The following GPM6A variants were observed in gnomAD, a reference collection of about 807,000 sequenced individuals.
GPM6A encodes the protein neuronal membrane glycoprotein M6-a.
A neutral mutation model predicts 32.1 loss-of-function variants in GPM6A; 7 were observed. The ratio of observed to expected loss-of-function variants is 0.22; its 90% confidence interval spans 0.12 to 0.41. The LOEUF is 0.41. Ranked by LOEUF, GPM6A falls within the 10% of genes least tolerant of loss-of-function variation. The pLI is 1.00. For missense variants in GPM6A, 235 were observed against 347.2 expected (o/e 0.68, Z 2.57); for synonymous variants, 130 against 123.4 (o/e 1.05, Z -0.35).
At chr4:175,658,476 C>T (rs1406531600) in intron 3 of GPM6A, among the ~76,000 whole-genome samples, 1 of 152,078 alleles carries the variant, frequency 6.6e-6, no homozygotes, top group South Asian at 2.1e-4. Context: ...TGAAACTATT[C>T]TGTATGAAAG....
chr4:175,981,616 T>C (rs1335630768), intron 1 of GPM6A, among the ~76,000 whole-genome samples: 1 of 152,190 alleles, frequency 6.6e-6, no homozygotes, highest in African/African-American at 2.4e-5. Context: ...GCACCAGAGT[T>C]CGCCCATTCA....
chr4:175,825,945 C>T lies in GPM6A; in HGVS notation c.-22-13696G>A, dbSNP rs756618268. ...CTGTAATCTCAGAATTTTGGGAGTC[C>T]GAGGAGGGCAGATTGCTTGAGCCCA... On this transcript the variant is annotated intron_variant, in intron 1 of 7. Coordinates refer to the GPM6A transcript ENST00000280187. 3.3e-5 allele frequency among the ~76,000 whole-genome samples: 5 copies of T among 151,910 alleles called. No homozygotes were observed. In the South Asian group the frequency reaches 6.2e-4, roughly 19 times the overall value.
At chr4:175,798,940 T>C (rs552817452) in intron 1 of GPM6A, among the ~76,000 whole-genome samples, 28 of 152,336 alleles carry the variant, frequency 1.8e-4, no homozygotes, top group Non-Finnish European at 4.0e-4. Flanking sequence ...CTCTGCTGTA[T>C]TGCACATGAA....
At chr4:175,747,389 C>G (rs1488529717) in intron 1 of GPM6A, among the ~76,000 whole-genome samples, 1 of 151,846 alleles carries the variant, frequency 6.6e-6, no homozygotes, top group African/African-American at 2.4e-5. Context: ...AGGAATACTG[C>G]TATACATACA....
chr4:175,868,592 G>GTTTTGAATAT (rs1736811040), intron 1 of GPM6A, among the ~76,000 whole-genome samples: 1 of 152,018 alleles, frequency 6.6e-6, no homozygotes, highest in African/African-American at 2.4e-5. Flanking sequence ...TCAAAAATAT[G>GTTTTGAATAT]TTGAGATCAG....
At chr4:175,788,141 A>C (rs1733873760) in intron 1 of GPM6A, 1 of 152,112 alleles carries the variant, frequency 6.6e-6, no homozygotes, top group African/African-American at 2.4e-5. Context: ...AATATGTGTT[A>C]GTCTAGTCAA....
intron 1 of GPM6A, among the ~76,000 whole-genome samples, chr4:175,716,488 C>CTG (rs59628765): frequency 0.5 from 75,808 of 151,804 alleles, 19,491 homozygotes; most frequent in East Asian, 0.64. Context: ...GAAGAAGAAA[C>CTG]TTGTTGTGCA....
In GPM6A at chr4:175,640,113, C is replaced by CG. The variant is rs1471130744; in HGVS notation, c.684+15dup. 1 of 1,595,466 alleles carries CG rather than the reference C, an allele frequency of 6.3e-7. No homozygotes were observed. The highest frequency in any genetic ancestry group is 1.3e-5 in the African/African-American group (1 of 74,650). On this transcript the variant is annotated intron_variant, in intron 6 of 6. Transcript: ENST00000393658. ...ATTCACATTGAAAACCAAGCACCAG[C>CG]GCTTTGAGGTCTTACCATAGCAATG...
At chr4:175,884,374 T>C (rs541864244) in intron 1 of GPM6A, among the ~76,000 whole-genome samples, 5 of 152,208 alleles carry the variant, frequency 3.3e-5, no homozygotes, top group Non-Finnish European at 7.3e-5. Context: ...CATGGTTCTT[T>C]CATACAATTT....
chr4:175,868,886 G>C (rs1185368286), intron 1 of GPM6A, among the ~76,000 whole-genome samples: 1 of 152,184 alleles, frequency 6.6e-6, no homozygotes, highest in Non-Finnish European at 1.5e-5. Flanking sequence ...CTTCAGGAAA[G>C]TGTCAGTTCA....
chr4:175,979,297 T>C (rs1740753423), intron 1 of GPM6A, among the ~76,000 whole-genome samples: 1 of 142,708 alleles, frequency 7.0e-6, no homozygotes. Context: ...TGAAAGGTTA[T>C]TTAAACACAA....
chr4:175,673,782 A>G lies in GPM6A; in HGVS notation c.285T>C (p.Tyr95=), dbSNP rs777858181. 2.0e-5 allele frequency: 33 copies of G among 1,612,278 alleles called. No individual in the cohort carries two copies. Among genetic ancestry groups the G allele is most frequent in the Middle Eastern group, 3.3e-4 (2 of 6,080 alleles). Residue 95 remains tyrosine, a synonymous_variant, in exon 3 of 7, where the codon TAT becomes TAC. Coordinates refer to ENST00000393658, the MANE Select transcript of GPM6A (RefSeq NM_201591.3). ...AACCTTCCACCATCAGCAAAATGCC[A>G]TACACAAAGAACGCAGCTGCGATGC... The part of the protein sequence containing the change: ...IYGIAAAFFV[Y]GILLMVEGFF...
At chr4:175,673,559 C>G (rs897258019) in intron 3 of GPM6A, 121 bp downstream of exon 3, 2 of 605,104 alleles carry the variant, frequency 3.3e-6, no homozygotes, top group Admixed American at 6.0e-5. Flanking sequence ...AAGATAGCAT[C>G]ACAGAAGGAA....
intron 4 of GPM6A, among the ~76,000 whole-genome samples, chr4:175,646,964 C>T (rs939337636): frequency 1.3e-5 from 2 of 152,224 alleles, no homozygotes; most frequent in African/African-American, 4.8e-5. Context: ...AAAAAGCCTT[C>T]CTTCCTGGCA....
chr4:175,888,203 A>G (rs17062210), intron 1 of GPM6A, among the ~76,000 whole-genome samples: 5,650 of 152,104 alleles, frequency 0.037, 296 homozygotes, highest in African/African-American at 0.12. Flanking sequence ...CAGATTTAAG[A>G]CAAAAATTTA....
intron 1 of GPM6A, among the ~76,000 whole-genome samples, chr4:175,808,091 T>C (rs1734770253): frequency 2.0e-5 from 3 of 152,162 alleles, no homozygotes; most frequent in Admixed American, 6.5e-5. Context: ...GCCTCTTTTT[T>C]TCGTTGATTA....
At chr4:175,749,452 C>G (rs1382767397) in intron 1 of GPM6A, among the ~76,000 whole-genome samples, 1 of 152,114 alleles carries the variant, frequency 6.6e-6, no homozygotes, top group Non-Finnish European at 1.5e-5. Context: ...AATGCACTGT[C>G]TGCAAAGGCT....
At chr4:175,903,502 G>A (rs13148483) in intron 1 of GPM6A, among the ~76,000 whole-genome samples, 63,080 of 151,874 alleles carry the variant, frequency 0.42, 13,612 homozygotes, top group Admixed American at 0.51. Context: ...AATTACAAAG[G>A]GGAAAAGGAA....
intron 1 of GPM6A, among the ~76,000 whole-genome samples, chr4:175,945,031 T>C (rs541839766): frequency 9.2e-5 from 14 of 152,224 alleles, no homozygotes; most frequent in African/African-American, 3.4e-4. Flanking sequence ...CAGTCAAAAC[T>C]GATTAAAGGT....
Sources: gnomAD v4.1 joint callset for allele counts (sites outside exome capture counted in the v4.1 genomes callset) on GRCh38, gnomAD v4.1.1 for gene constraint, MANE v1.5 for transcripts, NCBI Gene and HGNC (gene_info 2026-07-23, HGNC 2026-07-21) for gene names.